MON1A: variants seen among roughly 807,000 people sequenced by gnomAD.
MON1A encodes the protein vacuolar fusion protein MON1 homolog A.
Under a neutral mutation model 44.6 loss-of-function variants are expected in MON1A, and 29 were observed. That is an observed-to-expected ratio of 0.65 (90% confidence interval 0.48 to 0.89). MON1A has a LOEUF of 0.89. Ranked by LOEUF, MON1A falls within the 40% of genes least tolerant of loss-of-function variation. The probability of loss-of-function intolerance (pLI) is 0.00; values close to 1 mark genes in which losing one functional copy is unlikely to be tolerated. For synonymous variants in MON1A, 275 were observed against 316.4 expected (o/e 0.87, Z 1.39); for missense variants, 615 against 759.6 (o/e 0.81, Z 2.24).
At chr3:49,927,402 C>T (rs2083060413) in intron 1 of MON1A, among the ~76,000 whole-genome samples, 1 of 152,206 alleles carries the variant, frequency 6.6e-6, no homozygotes, top group Non-Finnish European at 1.5e-5. Flanking sequence ...TTAGCACATC[C>T]TGATTATTCT....
chr3:49,924,578 C>A, intron 1 of MON1A: 1 of 257,460 alleles, frequency 3.9e-6, no homozygotes, highest in Non-Finnish European at 8.3e-6. Flanking sequence ...GCTTGGGAGG[C>A]TAAGGTATGA....
At chr3:49,927,058 C>T (rs1187942182) in intron 1 of MON1A, among the ~76,000 whole-genome samples, 2 of 152,154 alleles carry the variant, frequency 1.3e-5, no homozygotes, top group Non-Finnish European at 2.9e-5. Context: ...GGATTACAGG[C>T]ATGAGCCACC....
chr3:49,929,265 C>T (rs1308960838), intron 1 of MON1A: 1 of 384,630 alleles, frequency 2.6e-6, no homozygotes, highest in African/African-American at 2.1e-5. Flanking sequence ...AGGTGCTGCC[C>T]CGCTCATCCC....
chr3:49,921,839 G>GT (rs1371694768), intron 1 of MON1A, among the ~76,000 whole-genome samples: 4 of 150,778 alleles, frequency 2.7e-5, no homozygotes, highest in Non-Finnish European at 5.9e-5. Flanking sequence ...CACCATCTCA[G>GT]TAAAAGACAA....
At chr3:49,912,930 C>T (rs2082903162) in intron 2 of MON1A, 1 of 525,346 alleles carries the variant, frequency 1.9e-6, no homozygotes, top group East Asian at 3.9e-5. Flanking sequence ...GCAGGCCTAA[C>T]TCGTGAGGAG....
At position 49,918,188 on chromosome 3, in the gene MON1A, T is replaced by A. The variant is rs2082964310; in HGVS notation, c.-13-4829A>T. Reference sequence around the variant, plus strand: ...CCCATCTCTACTAAATAAAAAAAAATTAGCCAGGTGTGGTGGCACGTGCTT... The same window carrying A: ...CCCATCTCTACTAAATAAAAAAAAAATAGCCAGGTGTGGTGGCACGTGCTT... On this transcript the variant is annotated intron_variant, in intron 1 of 5. Coordinates refer to ENST00000296473, the MANE Select transcript of MON1A (RefSeq NM_032355.4). Among the ~76,000 whole-genome samples the A allele has an allele frequency of 2.0e-5, 3 of 151,616 alleles. 1 individual carries two copies. The South Asian group carries it at 6.2e-4, about 32-fold the overall frequency.
chr3:49,922,974 G>T (rs1054911494), intron 1 of MON1A, among the ~76,000 whole-genome samples: 1 of 151,808 alleles, frequency 6.6e-6, no homozygotes, highest in African/African-American at 2.4e-5. Flanking sequence ...CTCCCAAAGT[G>T]CTGGGATTAC....
intron 1 of MON1A, among the ~76,000 whole-genome samples, chr3:49,921,449 C>T (rs933997012): frequency 6.7e-6 from 1 of 150,052 alleles, no homozygotes; most frequent in African/African-American, 2.4e-5. Context: ...TGAGCCACCA[C>T]GCCTGGCTGG....
At chr3:49,923,731 G>A (rs2083024968) in intron 1 of MON1A, among the ~76,000 whole-genome samples, 1 of 151,280 alleles carries the variant, frequency 6.6e-6, no homozygotes, top group African/African-American at 2.4e-5. Context: ...GATTACAGGT[G>A]TGAGCCACCT....
At chr3:49,928,197 A>C (rs1249863287) in intron 1 of MON1A, among the ~76,000 whole-genome samples, 2 of 152,212 alleles carry the variant, frequency 1.3e-5, no homozygotes, top group African/African-American at 4.8e-5. Flanking sequence ...GAGATCATAC[A>C]GTATCTCAGC....
intron 1 of MON1A, among the ~76,000 whole-genome samples, chr3:49,914,120 C>T (rs1575473430): frequency 7.6e-6 from 1 of 131,876 alleles, no homozygotes; most frequent in Non-Finnish European, 1.6e-5. Flanking sequence ...GACGGAGTTT[C>T]GCTGTTGTTA....
In MON1A at chr3:49,909,485, C is replaced by T. The variant is rs1358719382; in HGVS notation, c.1380-85G>A. The stretch of plus-strand genomic sequence containing the variant: ...AGATTTAGAAACACCTATTCCTATC[C>T]AGGAAGACTCTATCTTATGTCCTAC... On this transcript the variant is annotated intron_variant, in intron 4 of 5. Transcript: ENST00000296473. The surrounding 1 kb of genome is among the most constrained non-coding windows in gnomAD (Gnocchi z 4.0). 1 of 1,542,444 alleles carries T rather than the reference C, an allele frequency of 6.5e-7. No individual in the cohort carries two copies. The highest frequency in any genetic ancestry group is 8.8e-7 in the Non-Finnish European group (1 of 1,134,042).
intron 1 of MON1A, among the ~76,000 whole-genome samples, chr3:49,928,089 T>C (rs2083065166): frequency 6.6e-6 from 1 of 152,120 alleles, no homozygotes; most frequent in Non-Finnish European, 1.5e-5. Context: ...GGCTGAGTGG[T>C]ACCCAGCACG....
chr3:49,913,277 G>T lies in MON1A; in HGVS notation c.70C>A (p.Gln24Lys). ...GGGCTCTCAGCTCTCTCCATACTCTGTCCATCAGAAGGAGTCAATGTGCCA... is the reference window on the plus strand; with the variant it reads ...GGGCTCTCAGCTCTCTCCATACTCTTTCCATCAGAAGGAGTCAATGTGCCA... ...LDGTLTPSDG[Q>K]SMERAESPTP... Residue 24 changes from glutamine to lysine, a missense_variant, in exon 2 of 6, where the codon CAG becomes AAG. Physicochemically the swap from Gln to Lys is moderately conservative, Grantham distance 53 (BLOSUM62 1). Coordinates refer to ENST00000296473, the MANE Select transcript of MON1A (RefSeq NM_032355.4). 6.2e-7 allele frequency: 1 copy of T among 1,614,160 alleles called. No homozygotes were observed.
At chr3:49,912,044 T>G in intron 2 of MON1A, 33 bp from the exon 3 acceptor site, 1 of 1,532,566 alleles carries the variant, frequency 6.5e-7, no homozygotes, top group Non-Finnish European at 8.8e-7. Context: ...CTTAGAGGGG[T>G]AGCTAGTGGC....
chr3:49,913,036 T>C, intron 2 of MON1A, 184 bp downstream of exon 2: 1 of 779,840 alleles, frequency 1.3e-6, no homozygotes, highest in Non-Finnish European at 2.2e-6. Context: ...TAACATGAAG[T>C]GGAGAGGAAA....
chr3:49,921,996 G>A (rs1559495708), intron 1 of MON1A, among the ~76,000 whole-genome samples: 1 of 151,940 alleles, frequency 6.6e-6, no homozygotes, highest in Non-Finnish European at 1.5e-5. Flanking sequence ...AATTAGCCAA[G>A]TGTGGTGGTG....
chr3:49,927,104 A>C (rs764625379), intron 1 of MON1A, among the ~76,000 whole-genome samples: 1 of 152,150 alleles, frequency 6.6e-6, no homozygotes, highest in South Asian at 2.1e-4. Flanking sequence ...TCCCTCAGGC[A>C]ATTAAAAAAG....
intron 1 of MON1A, chr3:49,924,007 G>C (rs1388636494): frequency 6.6e-6 from 1 of 151,674 alleles, no homozygotes; most frequent in Non-Finnish European, 1.5e-5. Flanking sequence ...GCTTGAACTG[G>C]AGAGGCAGAG....
Sources: gnomAD v4.1 joint callset for allele counts (sites outside exome capture counted in the v4.1 genomes callset) on GRCh38, gnomAD v4.1.1 for gene constraint, Gnocchi (gnomAD v3.1) non-coding constraint, MANE v1.5 for transcripts, NCBI Gene and HGNC (gene_info 2026-07-23, HGNC 2026-07-21) for gene names.